Variants in LDB2 observed in about 807,000 individuals in gnomAD.
LDB2 encodes the protein LIM domain binding 2.
LDB2 carries 12 observed loss-of-function variants against 44.3 expected under a neutral mutation model. The ratio of observed to expected loss-of-function variants is 0.27; its 90% CI spans 0.17 to 0.44. LDB2 has a LOEUF of 0.44. Ranked by LOEUF, LDB2 falls within the 20% of genes least tolerant of loss-of-function variation. LDB2 has a pLI of 1.00. For synonymous variants in LDB2, 164 were observed against 174.8 expected (o/e 0.94, Z 0.49); for missense variants, 344 against 473.5 (o/e 0.73, Z 2.54).
rs116490973 is a variant in LDB2 at position 16,763,268 on chromosome 4, A to G, written c.133-4008T>C. 1.6e-3 allele frequency among the ~76,000 whole-genome samples: 240 copies of G among 152,286 alleles called. 2 individuals are homozygous for G. Among genetic ancestry groups the G allele is most frequent in the African/African-American group, 5.4e-3 (226 of 41,562 alleles). On this transcript the variant is annotated intron_variant, in intron 1 of 7. Coordinates refer to ENST00000304523, the MANE Select transcript of LDB2 (RefSeq NM_001290.5). ...ATTAATAGATAGATGGATGGAATAA[A>G]TTTCTTATCGTGGCATCACAAACTC...
intron 2 of LDB2, among the ~76,000 whole-genome samples, chr4:16,667,743 T>C (rs967019608): frequency 6.6e-6 from 1 of 152,194 alleles, no homozygotes; most frequent in African/African-American, 2.4e-5. Context: ...AAAGGATTGC[T>C]GGGATCAATT....
rs529667195 is a variant in LDB2 at position 16,747,092 on chromosome 4, G to A, written c.235+12066C>T. On this transcript the variant is annotated intron_variant, in intron 2 of 7. Transcript: ENST00000304523. The stretch of plus-strand genomic sequence containing the variant: ...ATGAGACAATGCTGAAGACGAGCCT[G>A]AATTTAATAAATCTTTTAATATTTC... Among the ~76,000 whole-genome samples the A allele has an allele frequency of 4.6e-5, 7 of 152,332 alleles. No homozygotes were observed. The South Asian group carries it at 1.4e-3, about 32-fold the overall frequency.
chr4:16,511,905 C>T, intron 6 of LDB2, 76 bp downstream of exon 6: 1 of 1,485,874 alleles, frequency 6.7e-7, no homozygotes, highest in East Asian at 2.3e-5. Flanking sequence ...TCACTTTCTT[C>T]TTTTTCACAT....
intron 1 of LDB2, among the ~76,000 whole-genome samples, chr4:16,829,918 G>GATGA (rs1561373225): frequency 6.6e-6 from 1 of 151,850 alleles, no homozygotes; most frequent in African/African-American, 2.4e-5. Context: ...CATCCTGGCC[G>GATGA]ACATGGTGAA....
At chr4:16,537,892 G>A (rs1245818010) in intron 5 of LDB2, among the ~76,000 whole-genome samples, 1 of 152,200 alleles carries the variant, frequency 6.6e-6, no homozygotes, top group African/African-American at 2.4e-5. Context: ...ACAGGGCACT[G>A]GCAAGAAGGT....
intron 5 of LDB2, among the ~76,000 whole-genome samples, chr4:16,570,759 A>C (rs1746233229): frequency 6.6e-6 from 1 of 152,140 alleles, no homozygotes; most frequent in South Asian, 2.1e-4. Context: ...AGAGTATTCC[A>C]GGCAGTGGGA....
chr4:16,613,153 A>G (rs947444093), intron 2 of LDB2, among the ~76,000 whole-genome samples: 3 of 152,218 alleles, frequency 2.0e-5, no homozygotes, highest in African/African-American at 7.2e-5. Flanking sequence ...CTTTGGTAAA[A>G]TTCAACATCC....
At chr4:16,790,680 C>T (rs1347184643) in intron 1 of LDB2, among the ~76,000 whole-genome samples, 2 of 152,118 alleles carry the variant, frequency 1.3e-5, no homozygotes, top group South Asian at 2.1e-4. Flanking sequence ...ATTATTTCCT[C>T]GATAACCGGG....
chr4:16,597,737 C>T (rs1721399184), intron 2 of LDB2, among the ~76,000 whole-genome samples: 1 of 152,118 alleles, frequency 6.6e-6, no homozygotes, highest in Admixed American at 6.5e-5. Flanking sequence ...GAATCCTGCA[C>T]AAGTTAATTC....
chr4:16,679,202 A>AT (rs1041907300), intron 2 of LDB2, among the ~76,000 whole-genome samples: 1 of 152,182 alleles, frequency 6.6e-6, no homozygotes, highest in Non-Finnish European at 1.5e-5. Flanking sequence ...AAATAAAACA[A>AT]TTTTATCAGA....
At chr4:16,885,322 G>A (rs1316262750) in intron 1 of LDB2, among the ~76,000 whole-genome samples, 16 of 151,304 alleles carry the variant, frequency 1.1e-4, no homozygotes, top group South Asian at 2.1e-4. Flanking sequence ...GGAGCAAGAC[G>A]CTGTCTCAAA....
At chr4:16,766,381 CAT>C (rs1482873633) in intron 1 of LDB2, among the ~76,000 whole-genome samples, 1 of 150,470 alleles carries the variant, frequency 6.6e-6, no homozygotes, top group African/African-American at 2.5e-5. Context: ...TATATATACA[CAT>C]ATATATGTGT....
At chr4:16,731,326 T>C (rs1037565306) in intron 2 of LDB2, among the ~76,000 whole-genome samples, 1 of 152,300 alleles carries the variant, frequency 6.6e-6, no homozygotes, top group Non-Finnish European at 1.5e-5. Flanking sequence ...CTTATTGCTA[T>C]GAACTGAATT....
intron 2 of LDB2, among the ~76,000 whole-genome samples, chr4:16,604,963 C>G (rs1723531668): frequency 6.6e-6 from 1 of 152,118 alleles, no homozygotes; most frequent in South Asian, 2.1e-4. Context: ...CTATTTGAGC[C>G]ACTTGCTGGA....
At chr4:16,556,150 A>G (rs1223887349) in intron 5 of LDB2, among the ~76,000 whole-genome samples, 1 of 152,194 alleles carries the variant, frequency 6.6e-6, no homozygotes, top group Admixed American at 6.5e-5. Flanking sequence ...TCATAGACTT[A>G]TTATGTTCCT....
intron 5 of LDB2, among the ~76,000 whole-genome samples, chr4:16,552,886 AAC>A (rs1408914803): frequency 6.6e-6 from 1 of 152,210 alleles, no homozygotes; most frequent in Non-Finnish European, 1.5e-5. Flanking sequence ...TATCTAAGTA[AAC>A]ACAGCCTAGG....
intron 1 of LDB2, among the ~76,000 whole-genome samples, chr4:16,786,722 C>T (rs1441007103): frequency 9.9e-5 from 15 of 152,200 alleles, no homozygotes. Flanking sequence ...TTGCCAACCT[C>T]TCAGTGTCAA....
At chr4:16,836,227 A>G (rs1784864218) in intron 1 of LDB2, among the ~76,000 whole-genome samples, 1 of 152,204 alleles carries the variant, frequency 6.6e-6, no homozygotes, top group African/African-American at 2.4e-5. Context: ...CCATTCCACT[A>G]TTGGCCTCAT....
At chr4:16,846,344 T>C (rs1314200639) in intron 1 of LDB2, among the ~76,000 whole-genome samples, 1 of 152,186 alleles carries the variant, frequency 6.6e-6, no homozygotes, top group Non-Finnish European at 1.5e-5. Context: ...AAATACCAAA[T>C]AGCCCAGTGA....
Sources: gnomAD v4.1 joint callset for allele counts (sites outside exome capture counted in the v4.1 genomes callset) on GRCh38, gnomAD v4.1.1 for gene constraint, MANE v1.5 for transcripts, NCBI Gene and HGNC (gene_info 2026-07-23, HGNC 2026-07-21) for gene names.